GALNTL6: variants seen among roughly 807,000 people sequenced by gnomAD.
GALNTL6 encodes polypeptide N-acetylgalactosaminyltransferase like 6, also known as polypeptide N-acetylgalactosaminyltransferase-like 6.
A neutral mutation model predicts 73.7 loss-of-function variants in GALNTL6; 46 were observed. The ratio of observed to expected loss-of-function variants is 0.62; its 90% CI spans 0.49 to 0.80. The LOEUF (loss-of-function observed/expected upper bound fraction) is 0.80, where lower values mean the gene tolerates loss of function less well. Among genes scored for constraint, GALNTL6 ranks in the 30% least tolerant of loss-of-function variants. The pLI, the probability that GALNTL6 is intolerant of heterozygous loss-of-function variation, is 0.00. For synonymous variants in GALNTL6, 259 were observed against 263.7 expected (o/e 0.98, Z 0.17); for missense variants, 604 against 755.0 (o/e 0.80, Z 2.34).
At chr4:172,709,253 T>G (rs982381236) in intron 5 of GALNTL6, among the ~76,000 whole-genome samples, 50 of 151,982 alleles carry the variant, frequency 3.3e-4, no homozygotes, top group African/African-American at 1.1e-3. Context: ...AAGCACCCCA[T>G]CAAACAAGAT....
At chr4:172,255,802 G>T (rs1738055037) in intron 3 of GALNTL6, among the ~76,000 whole-genome samples, 1 of 150,956 alleles carries the variant, frequency 6.6e-6, no homozygotes, top group South Asian at 2.1e-4. Flanking sequence ...TTTCATACTA[G>T]AAATCATAAA....
At position 172,379,536 on chromosome 4, in the gene GALNTL6, CAAA is replaced by C. The variant is rs71592073; in HGVS notation, c.553+30866_553+30868del. Among the ~76,000 whole-genome samples the C allele has an allele frequency of 4.8e-3, 362 of 75,672 alleles. 2 individuals are homozygous for C. The highest frequency in any genetic ancestry group is 0.019 in the African/African-American group (334 of 17,674). 49.6% of individuals were successfully genotyped at this position (75,672 alleles called of 152,430 possible). On this transcript the variant is annotated intron_variant, in intron 5 of 12. Coordinates refer to ENST00000506823, the MANE Select transcript of GALNTL6 (RefSeq NM_001034845.3). ...TGGGCGACAGAGCGAGACTCCGTCT[CAAA>C]AAAAAAAAAAAAAAAAAAGAACGGG...
Position 172,267,877 on chromosome 4 carries a change from G to A in GALNTL6, c.247+38113G>A, listed in dbSNP as rs533010957. Reference sequence around the variant, plus strand: ...AAAATGAGCTACTGAAAGGCATTTGGAAAAAATGGCACTCTAACACAAAGT... The same window carrying A: ...AAAATGAGCTACTGAAAGGCATTTGAAAAAAATGGCACTCTAACACAAAGT... On this transcript the variant is annotated intron_variant, in intron 3 of 12. Coordinates refer to ENST00000506823, the MANE Select transcript of GALNTL6 (RefSeq NM_001034845.3). Among the ~76,000 whole-genome samples the A allele has an allele frequency of 9.8e-4, 149 of 152,182 alleles. 1 individual carries two copies. Among genetic ancestry groups the A allele is most frequent in the Non-Finnish European group, 1.8e-3 (122 of 67,984 alleles).
chr4:172,494,547 G>A (rs1431499207), intron 5 of GALNTL6, among the ~76,000 whole-genome samples: 2 of 152,210 alleles, frequency 1.3e-5, no homozygotes, highest in Non-Finnish European at 2.9e-5. Flanking sequence ...GCAAGGTGAA[G>A]TCCCACAATA....
intron 4 of GALNTL6, among the ~76,000 whole-genome samples, chr4:172,335,335 T>C (rs1252354496): frequency 1.3e-5 from 2 of 152,226 alleles, no homozygotes; most frequent in African/African-American, 4.8e-5. Context: ...CTGCTGAATT[T>C]AGTTTGCCAG....
intron 2 of GALNTL6, among the ~76,000 whole-genome samples, chr4:171,940,728 GA>G (rs1553972371): frequency 1.3e-5 from 2 of 151,916 alleles, no homozygotes; most frequent in Non-Finnish European, 2.9e-5. Flanking sequence ...GGAGGCAGGA[GA>G]ATGGTGTAAA....
chr4:172,000,827 T>TCCC (rs1173729802), intron 2 of GALNTL6, among the ~76,000 whole-genome samples: 1 of 152,134 alleles, frequency 6.6e-6, no homozygotes, highest in Non-Finnish European at 1.5e-5. Flanking sequence ...CTCATGCTCT[T>TCCC]CCCGTTGTGT....
intron 3 of GALNTL6, among the ~76,000 whole-genome samples, chr4:172,254,091 T>A (rs1466270715): frequency 6.6e-6 from 1 of 151,796 alleles, no homozygotes; most frequent in Non-Finnish European, 1.5e-5. Context: ...TTACTACTAC[T>A]GATAGTGTAG....
At chr4:172,995,778 A>AC (rs1281619951) in intron 10 of GALNTL6, among the ~76,000 whole-genome samples, 2 of 152,208 alleles carry the variant, frequency 1.3e-5, no homozygotes, top group African/African-American at 4.8e-5. Flanking sequence ...GCCTGCTTTC[A>AC]TGTTTCTGAC....
chr4:172,654,628 C>A (rs1271005678), intron 5 of GALNTL6, among the ~76,000 whole-genome samples: 4 of 152,200 alleles, frequency 2.6e-5, no homozygotes, highest in Non-Finnish European at 5.9e-5. Context: ...TTCTGGTCTG[C>A]AGGCTGAACT....
At chr4:173,008,236 C>T (rs1463191019) in intron 10 of GALNTL6, among the ~76,000 whole-genome samples, 1 of 152,202 alleles carries the variant, frequency 6.6e-6, no homozygotes, top group African/African-American at 2.4e-5. Context: ...GCAACATCCG[C>T]CTCATATTGG....
chr4:173,026,452 G>A (rs1348217637), intron 12 of GALNTL6, among the ~76,000 whole-genome samples: 1 of 152,184 alleles, frequency 6.6e-6, no homozygotes, highest in African/African-American at 2.4e-5. Flanking sequence ...CTTAAGGCCG[G>A]AGAAAGTCCT....
intron 5 of GALNTL6, among the ~76,000 whole-genome samples, chr4:172,361,917 T>A (rs932932089): frequency 2.0e-5 from 3 of 152,142 alleles, no homozygotes; most frequent in Non-Finnish European, 2.9e-5. Flanking sequence ...GGAAATTGAG[T>A]TTCTACATGT....
chr4:173,020,623 A>G (rs963739709), intron 11 of GALNTL6, among the ~76,000 whole-genome samples: 1 of 152,188 alleles, frequency 6.6e-6, no homozygotes, highest in African/African-American at 2.4e-5. Flanking sequence ...TCACTTCATC[A>G]AGCTTAGCTT....
Position 171,836,426 on chromosome 4 carries a change from T to G in GALNTL6, c.138+21708T>G, listed in dbSNP as rs563642987. On this transcript the variant is annotated intron_variant, in intron 2 of 12. Coordinates refer to ENST00000506823, the MANE Select transcript of GALNTL6 (RefSeq NM_001034845.3). ...TTAATAATTATTTATTAAGAAATAC[T>G]TTAGACAATAAAAAGATATGAAAGA... 4.6e-5 allele frequency among the ~76,000 whole-genome samples: 7 copies of G among 152,166 alleles called. No homozygotes were observed. The South Asian group carries it at 1.5e-3, about 32-fold the overall frequency.
chr4:172,045,127 C>T (rs1742182351), intron 2 of GALNTL6, among the ~76,000 whole-genome samples: 1 of 151,920 alleles, frequency 6.6e-6, no homozygotes, highest in African/African-American at 2.4e-5. Flanking sequence ...TTTTTGATAT[C>T]ATACAAAAAC....
At chr4:172,049,864 A>G (rs1730791862) in intron 2 of GALNTL6, among the ~76,000 whole-genome samples, 1 of 152,070 alleles carries the variant, frequency 6.6e-6, no homozygotes, top group East Asian at 1.9e-4. Context: ...GGTGCCTGTA[A>G]TCCCAGCTAC....
chr4:172,150,027 A>T (rs1734035466), intron 2 of GALNTL6, among the ~76,000 whole-genome samples: 1 of 152,144 alleles, frequency 6.6e-6, no homozygotes, highest in Non-Finnish European at 1.5e-5. Context: ...TTTTCTCCCT[A>T]GGAATTTTCA....
intron 5 of GALNTL6, among the ~76,000 whole-genome samples, chr4:172,804,315 C>T (rs2110970299): frequency 6.6e-6 from 1 of 152,296 alleles, no homozygotes; most frequent in East Asian, 1.9e-4. Context: ...TAATCCATTA[C>T]ATTTCAGAAC....
Sources: gnomAD v4.1 joint callset for allele counts (sites outside exome capture counted in the v4.1 genomes callset) on GRCh38, gnomAD v4.1.1 for gene constraint, MANE v1.5 for transcripts, NCBI Gene and HGNC (gene_info 2026-07-23, HGNC 2026-07-21) for gene names.